Variants in SNU13 observed in about 807,000 individuals in gnomAD.
SNU13 encodes small nuclear ribonucleoprotein 13.
SNU13 carries 2 observed loss-of-function variants against 12.4 expected under a neutral mutation model. The ratio of observed to expected loss-of-function variants is 0.16; its 90% CI spans 0.07 to 0.51. The LOEUF (loss-of-function observed/expected upper bound fraction) is 0.51. Ranked by LOEUF, SNU13 falls within the 20% of genes least tolerant of loss-of-function variation. The probability of loss-of-function intolerance (pLI) is 0.96; values close to 1 mark genes in which losing one functional copy is unlikely to be tolerated. For synonymous variants in SNU13, 68 were observed against 66.5 expected (o/e 1.02, Z -0.11); for missense variants, 66 against 157.8 (o/e 0.42, Z 3.12).
chr22:41,684,463 T>G (rs1286819216), intron 1 of SNU13, among the ~76,000 whole-genome samples: 1 of 152,220 alleles, frequency 6.6e-6, no homozygotes, highest in African/African-American at 2.4e-5. Context: ...TTTCATTTGT[T>G]TCTTCCCCCC....
In SNU13 at chr22:41,674,945, C is replaced by T. The variant is rs376843523; in HGVS notation, c.375G>A (p.Arg125=). The change falls in exon 3 of 3, where the codon AGG becomes AGA. Residue 125 remains arginine (R), a synonymous_variant. Transcript: ENST00000401959. ...AGAGGCCACAGGTTTAGACTAAGAG[C>T]CTTTCAATGGACTGCTGAATGGATT... is the stretch of plus-strand genomic sequence containing the variant. ...QIQSIQQSIE[R]LLV 3 of 1,613,434 alleles carry T rather than the reference C, an allele frequency of 1.9e-6. No individual in the cohort carries two copies. The highest frequency in any genetic ancestry group is 2.5e-6 in the Non-Finnish European group (3 of 1,179,832).
At chr22:41,679,525 C>T (rs1475882703) in intron 2 of SNU13, among the ~76,000 whole-genome samples, 2 of 151,792 alleles carry the variant, frequency 1.3e-5, no homozygotes, top group African/African-American at 4.8e-5. Context: ...CATGGCACTC[C>T]AGCTTGGGCA....
At position 41,688,865 on chromosome 22, in the gene SNU13, C is replaced by G; in HGVS notation, c.-69G>C. ...GACGTTTCAGAAGCACTCGCGTGCA[C>G]CGGAAAAACTCACAGAAGCAGCAGC... On this transcript the variant is annotated 5_prime_UTR_variant, in exon 1 of 3. Coordinates refer to ENST00000401959, the MANE Select transcript of SNU13 (RefSeq NM_001003796.2). 2 of 1,526,958 alleles carry G rather than the reference C, an allele frequency of 1.3e-6. No homozygotes were observed. The highest frequency in any genetic ancestry group is 1.8e-6 in the Non-Finnish European group (2 of 1,128,406). 94.6% of individuals were successfully genotyped at this position (1,526,958 alleles called of 1,614,324 possible).
rs117181943 is a variant in SNU13 at position 41,677,512 on chromosome 22, T to A, written c.125-2317A>T. On this transcript the variant is annotated intron_variant, in intron 2 of 2. Coordinates refer to ENST00000401959, the MANE Select transcript of SNU13 (RefSeq NM_001003796.2). ...ATGCACTCCAGCCTGGGCTGCAGAGTAAGACCCTATCTCAAAAAAAAGTAA... is the reference window on the plus strand; with the variant it reads ...ATGCACTCCAGCCTGGGCTGCAGAGAAAGACCCTATCTCAAAAAAAAGTAA... Among the ~76,000 whole-genome samples the A allele has an allele frequency of 1.4e-4, 21 of 151,970 alleles. 2 individuals are homozygous for A. In the East Asian group the frequency reaches 4.1e-3, roughly 29 times the overall value.
chr22:41,680,379 T>C lies in SNU13; in HGVS notation c.4-15A>G, dbSNP rs769652542. Reference sequence around the variant, plus strand: ...TCAGCCTCAGTCTATGGGGGGGACATAAAAATATCAGACAAATTGAGCCAG... The same window carrying C: ...TCAGCCTCAGTCTATGGGGGGGACACAAAAATATCAGACAAATTGAGCCAG... On this transcript the variant is annotated splice_polypyrimidine_tract_variant and intron_variant, in intron 1 of 2. Coordinates refer to ENST00000401959, the MANE Select transcript of SNU13 (RefSeq NM_001003796.2). 5.6e-6 allele frequency: 9 copies of C among 1,593,476 alleles called. No homozygotes were observed. The highest frequency in any genetic ancestry group is 7.7e-6 in the Non-Finnish European group (9 of 1,170,326).
upstream of SNU13, chr22:41,689,088 G>C: frequency 8.7e-7 from 1 of 1,147,192 alleles, no homozygotes; most frequent in Non-Finnish European, 1.1e-6. Flanking sequence ...CCGGCCGGCC[G>C]CAGCGGCTTA....
chr22:41,685,777 C>T (rs1325153206), intron 1 of SNU13, among the ~76,000 whole-genome samples: 1 of 151,554 alleles, frequency 6.6e-6, no homozygotes, highest in Non-Finnish European at 1.5e-5. Context: ...ACCAGCCTGA[C>T]CAACACGGCA....
Position 41,675,176 on chromosome 22 carries a change from CCT to C in SNU13, c.142_143del (p.Arg48GlyfsTer4). ...CCATCACGATGAACTCAGAGATGCC[CCT>C]GTTGAGGGTTTTGGTGGCTGCGGAG... The part of the protein sequence containing the change: ...GANEATKTLN[R>X]GISEFIVMAA... On this transcript the variant is annotated frameshift_variant, in exon 3 of 3. Coordinates refer to ENST00000401959, the MANE Select transcript of SNU13 (RefSeq NM_001003796.2). LOFTEE classifies it high-confidence loss of function. 2 of 1,613,656 alleles carry C rather than the reference CCT, an allele frequency of 1.2e-6. No individual in the cohort carries two copies. The highest frequency in any genetic ancestry group is 1.7e-6 in the Non-Finnish European group (2 of 1,179,968).
intron 1 of SNU13, chr22:41,682,540 T>C (rs1336310861): frequency 2.0e-6 from 3 of 1,485,328 alleles, no homozygotes; most frequent in Non-Finnish European, 2.7e-6. Flanking sequence ...CGCCCTGTCT[T>C]CTACGTAACT....
upstream of SNU13, among the ~76,000 whole-genome samples, chr22:41,689,692 AGAG>A: frequency 7.8e-6 from 1 of 128,100 alleles, no homozygotes; most frequent in East Asian, 2.4e-4. Context: ...AAGAAAAAAA[AGAG>A]GGCCGGGTGC....
At chr22:41,685,794 C>T (rs550841711) in intron 1 of SNU13, among the ~76,000 whole-genome samples, 5 of 151,786 alleles carry the variant, frequency 3.3e-5, no homozygotes, top group South Asian at 2.1e-4. Flanking sequence ...GGCAAAACCC[C>T]GTCTCTACTA....
upstream of SNU13, chr22:41,690,447 C>T (rs1206952005): frequency 1.1e-5 from 8 of 721,598 alleles, no homozygotes; most frequent in Non-Finnish European, 1.8e-5. Flanking sequence ...GCACCAAGAG[C>T]ATGCTAACCA....
chr22:41,679,846 G>A (rs527303202), intron 2 of SNU13: 3 of 153,084 alleles, frequency 2.0e-5, no homozygotes, highest in Non-Finnish European at 2.9e-5. Context: ...AAAAAAGGGA[G>A]AGGGGTAGGG....
At chr22:41,687,172 T>C (rs1177300012) in intron 1 of SNU13, among the ~76,000 whole-genome samples, 1 of 151,128 alleles carries the variant, frequency 6.6e-6, no homozygotes, top group Non-Finnish European at 1.5e-5. Flanking sequence ...TTGGCCAGGC[T>C]GGTCTCAAAC....
At chr22:41,677,894 A>T (rs2068227663) in intron 2 of SNU13, among the ~76,000 whole-genome samples, 1 of 152,018 alleles carries the variant, frequency 6.6e-6, no homozygotes, top group Admixed American at 6.6e-5. Context: ...CTCCTCAGAC[A>T]GACCTTCTCT....
intron 2 of SNU13, among the ~76,000 whole-genome samples, chr22:41,679,251 AAAAAAT>A (rs1415783487): frequency 6.6e-6 from 1 of 152,082 alleles, no homozygotes; most frequent in African/African-American, 2.4e-5. Context: ...TCTACTTGAA[AAAAAAT>A]AAAAATAAAA....
At chr22:41,679,537 C>T (rs1251096877) in intron 2 of SNU13, among the ~76,000 whole-genome samples, 1 of 151,264 alleles carries the variant, frequency 6.6e-6, no homozygotes, top group Non-Finnish European at 1.5e-5. Flanking sequence ...GCTTGGGCAA[C>T]AAGAGCAAAA....
rs1233161669 is a variant in SNU13 at position 41,680,302 on chromosome 22, T to C, written c.66A>G (p.Leu22=). 6.2e-7 allele frequency: 1 copy of C among 1,613,898 alleles called. No homozygotes were observed. The highest frequency in any genetic ancestry group is 1.7e-5 in the Admixed American group (1 of 59,968). Residue 22 remains leucine (L), a synonymous_variant, in exon 2 of 3, where the codon CTA becomes CTG. Coordinates refer to ENST00000401959, the MANE Select transcript of SNU13 (RefSeq NM_001003796.2). ...TACATGACTGCTGAACGAGGTCCAG[T>C]AGCTTCTTGGTGAGGTGGGCATCGG... ...PLADAHLTKK[L]LDLVQQSCNY...
chr22:41,676,859 T>C (rs1184627358), intron 2 of SNU13, among the ~76,000 whole-genome samples: 1 of 152,208 alleles, frequency 6.6e-6, no homozygotes. Context: ...TTGGGTACTG[T>C]CCATGCTGGT....
Sources: allele counts gnomAD v4.1 joint callset (sites outside exome capture counted in the v4.1 genomes callset), GRCh38; gene constraint gnomAD v4.1.1; transcripts MANE v1.5; gene names NCBI Gene and HGNC (gene_info 2026-07-23, HGNC 2026-07-21).